VWA3B: variants seen among roughly 807,000 people sequenced by gnomAD.
VWA3B encodes the protein von Willebrand factor A domain containing 3B, also known as von Willebrand factor A domain-containing protein 3B.
VWA3B carries 138 observed loss-of-function variants against 158.3 expected under a neutral mutation model. The ratio of observed to expected loss-of-function variants is 0.87; its 90% CI spans 0.76 to 1.00. The LOEUF is 1.00. VWA3B is among the 50% of genes least tolerant of loss of function. The probability of loss-of-function intolerance (pLI) is 0.00; values close to 1 mark genes in which losing one functional copy is unlikely to be tolerated. For missense variants in VWA3B, 1,555 were observed against 1,565.1 expected (o/e 0.99, Z 0.11); for synonymous variants, 596 against 587.3 (o/e 1.01, Z -0.21).
intron 11 of VWA3B, among the ~76,000 whole-genome samples, chr2:98,193,694 C>T (rs544410434): frequency 1.6e-4 from 25 of 151,648 alleles, no homozygotes; most frequent in African/African-American, 5.8e-4. Context: ...CTCCCGGGTT[C>T]ACGCCATTCT....
At chr2:98,322,176 T>A in the VWA3B span, among the ~76,000 whole-genome samples, 1 of 152,096 alleles carries the variant, frequency 6.6e-6, no homozygotes, top group African/African-American at 2.4e-5. Flanking sequence ...CCTGGATAAA[T>A]TTTTTTAAGT....
At chr2:98,154,567 C>T (rs1677901390) in intron 7 of VWA3B, among the ~76,000 whole-genome samples, 3 of 152,194 alleles carry the variant, frequency 2.0e-5, no homozygotes, top group Admixed American at 2.0e-4. Flanking sequence ...TTATTCTAGG[C>T]TCCTGGCTGC....
intron 19 of VWA3B, among the ~76,000 whole-genome samples, chr2:98,238,502 A>G (rs1226252175): frequency 6.6e-6 from 1 of 152,212 alleles, no homozygotes; most frequent in Non-Finnish European, 1.5e-5. Flanking sequence ...CTACTTAGAA[A>G]TAGAATTTTC....
intron 12 of VWA3B, chr2:98,206,989 G>A: frequency 2.1e-6 from 1 of 487,554 alleles, no homozygotes; most frequent in South Asian, 1.5e-5. Context: ...TCATGCCCAG[G>A]TAGCTCTGAC....
chr2:98,217,678 CT>C (rs1181813801), intron 13 of VWA3B, among the ~76,000 whole-genome samples, 167 bp from the exon 14 acceptor site: 1 of 152,168 alleles, frequency 6.6e-6, no homozygotes. Context: ...ATCTGGCAGT[CT>C]TTTCTTTATT....
intron 14 of VWA3B, among the ~76,000 whole-genome samples, chr2:98,221,781 C>G (rs1684527874): frequency 6.6e-6 from 1 of 152,168 alleles, no homozygotes; most frequent in Non-Finnish European, 1.5e-5. Flanking sequence ...GTCCATGGTG[C>G]CCAGTGTCGA....
chr2:98,108,194 T>C (rs945538090), intron 2 of VWA3B, among the ~76,000 whole-genome samples: 6 of 152,174 alleles, frequency 3.9e-5, no homozygotes, highest in African/African-American at 1.4e-4. Flanking sequence ...TATTTTTGAT[T>C]TCTAGTTTGT....
chr2:98,182,790 C>G (rs942905002), intron 9 of VWA3B, among the ~76,000 whole-genome samples: 2 of 152,210 alleles, frequency 1.3e-5, no homozygotes, highest in South Asian at 2.1e-4. Context: ...CATGGTGGCA[C>G]GTGCCTGTAA....
chr2:98,293,248 G>A (rs115376625), intron 23 of VWA3B, among the ~76,000 whole-genome samples: 2,437 of 152,278 alleles, frequency 0.016, 26 homozygotes, highest in Middle Eastern at 0.048. Flanking sequence ...CCCAACAGCC[G>A]CATGGGATCT....
chr2:98,264,599 C>CT (rs1356065702), intron 21 of VWA3B, among the ~76,000 whole-genome samples: 1 of 151,966 alleles, frequency 6.6e-6, no homozygotes, highest in East Asian at 1.9e-4. Context: ...TTTCAACTTT[C>CT]TTTTTTTAAA....
chr2:98,241,513 G>T (rs36102785), intron 19 of VWA3B, among the ~76,000 whole-genome samples: 1 of 151,654 alleles, frequency 6.6e-6, no homozygotes, highest in Non-Finnish European at 1.5e-5. Context: ...GAAACACTGC[G>T]GATGTACCCA....
the VWA3B span, among the ~76,000 whole-genome samples, chr2:98,318,311 G>A: frequency 6.6e-6 from 1 of 152,068 alleles, no homozygotes; most frequent in South Asian, 2.1e-4. Context: ...CAAAGACATG[G>A]AATTAACCCA....
chr2:98,254,356 A>G (rs1295870890), intron 20 of VWA3B, among the ~76,000 whole-genome samples: 2 of 152,116 alleles, frequency 1.3e-5, no homozygotes, highest in Admixed American at 6.5e-5. Flanking sequence ...TCCACTCTCT[A>G]CATTTACATT....
chr2:98,269,994 C>G (rs916458599), intron 21 of VWA3B, among the ~76,000 whole-genome samples: 1 of 152,154 alleles, frequency 6.6e-6, no homozygotes, highest in Non-Finnish European at 1.5e-5. Context: ...TGTTTTCTTT[C>G]TCCCTACCCA....
chr2:98,256,327 T>G (rs1382378280), intron 21 of VWA3B, among the ~76,000 whole-genome samples, 153 bp downstream of exon 21: 1 of 152,110 alleles, frequency 6.6e-6, no homozygotes, highest in East Asian at 1.9e-4. Context: ...ACTTTTTCAT[T>G]ACCCCAGAAA....
At chr2:98,306,952 C>T (rs886900806) in intron 26 of VWA3B, among the ~76,000 whole-genome samples, 26 of 152,148 alleles carry the variant, frequency 1.7e-4, no homozygotes, top group African/African-American at 5.8e-4. Context: ...AAGTTCAGAG[C>T]TTAACCTGTC....
Position 98,237,125 on chromosome 2 carries a change from G to T in VWA3B, c.2673+395G>T, listed in dbSNP as rs557470350. The stretch of plus-strand genomic sequence containing the variant: ...TGAGACATCGAGGCTGCAGTGAGCG[G>T]TGATTGCGTCACCGCATTCCAGCCT... On this transcript the variant is annotated intron_variant, in intron 19 of 27. Transcript: ENST00000477737. Among the ~76,000 whole-genome samples the T allele has an allele frequency of 2.0e-5, 3 of 152,360 alleles. No individual in the cohort carries two copies. The South Asian group carries it at 6.2e-4, about 32-fold the overall frequency.
At chr2:98,289,004 G>A (rs1011759571) in intron 22 of VWA3B, among the ~76,000 whole-genome samples, 1 of 152,132 alleles carries the variant, frequency 6.6e-6, no homozygotes, top group African/African-American at 2.4e-5. Flanking sequence ...AAAAGTATTT[G>A]TACTATTCTA....
chr2:98,126,391 A>G (rs1675360873), intron 5 of VWA3B, among the ~76,000 whole-genome samples: 1 of 151,988 alleles, frequency 6.6e-6, no homozygotes, highest in African/African-American at 2.4e-5. Flanking sequence ...CCTAGAAAAT[A>G]CTCTGTGTCT....
Sources: gnomAD v4.1 joint callset for allele counts (sites outside exome capture counted in the v4.1 genomes callset) on GRCh38, gnomAD v4.1.1 for gene constraint, MANE v1.5 for transcripts, NCBI Gene and HGNC (gene_info 2026-07-23, HGNC 2026-07-21) for gene names.